The following TNPO3 variants were observed in gnomAD, a reference collection of about 807,000 sequenced individuals.
TNPO3 encodes the protein transportin 3.
A neutral mutation model predicts 122.8 loss-of-function variants in TNPO3; 65 were observed. The ratio of observed to expected loss-of-function variants is 0.53; its 90% CI spans 0.43 to 0.65. The LOEUF is 0.65. Ranked by LOEUF, TNPO3 falls within the 30% of genes least tolerant of loss-of-function variation. The pLI, the probability that TNPO3 is intolerant of heterozygous loss-of-function variation, is 0.00. For missense variants in TNPO3, 850 were observed against 1,136.7 expected, an observed-to-expected ratio of 0.75 and a Z score of 3.63; for synonymous variants, 372 against 411.2, an observed-to-expected ratio of 0.90 and a Z score of 1.15.
intron 4 of TNPO3, among the ~76,000 whole-genome samples, chr7:129,007,666 C>T (rs1802719638): frequency 6.6e-6 from 1 of 152,204 alleles, no homozygotes; most frequent in Non-Finnish European, 1.5e-5. Context: ...CGCTCATTTT[C>T]ATTTATTGTG....
chr7:129,004,155 T>G (rs529187944), intron 5 of TNPO3, among the ~76,000 whole-genome samples: 1 of 152,206 alleles, frequency 6.6e-6, no homozygotes, highest in Non-Finnish European at 1.5e-5. Context: ...ACATGCCAAA[T>G]GTCTCCTTGA....
At chr7:129,006,242 T>A (rs1802564689) in intron 4 of TNPO3, among the ~76,000 whole-genome samples, 1 of 152,214 alleles carries the variant, frequency 6.6e-6, no homozygotes, top group Non-Finnish European at 1.5e-5. Context: ...ACTTACTAAT[T>A]TCTTAGTTCC....
intron 4 of TNPO3, among the ~76,000 whole-genome samples, chr7:129,012,127 T>C (rs1339192370): frequency 6.7e-6 from 1 of 149,460 alleles, no homozygotes; most frequent in Non-Finnish European, 1.5e-5. Flanking sequence ...TGCCTCAGCC[T>C]CCCGACTAGC....
In TNPO3 at chr7:128,967,572, T is replaced by C. The variant is rs1001086109; in HGVS notation, c.2599-180A>G. Among the ~76,000 whole-genome samples, 5 of 152,374 alleles carry C rather than the reference T, an allele frequency of 3.3e-5. 1 individual carries two copies. The highest frequency in any genetic ancestry group is 2.1e-4 in the South Asian group (1 of 4,828). On this transcript the variant is annotated intron_variant, in intron 20 of 22. Transcript: ENST00000265388. ...TAGCCCTTCAAACCCTCTGGGTTGA[T>C]GCAGTCTGCATATGCATGCCTAGAC...
chr7:128,973,008 A>G (rs1443543653), intron 18 of TNPO3, among the ~76,000 whole-genome samples: 1 of 152,218 alleles, frequency 6.6e-6, no homozygotes, highest in Non-Finnish European at 1.5e-5. Flanking sequence ...CTCTTTAAAA[A>G]AAAAGGACCA....
Position 128,970,206 on chromosome 7 carries a change from G to C in TNPO3, c.2540C>G (p.Pro847Arg), listed in dbSNP as rs1193471279. Residue 847 changes from proline to arginine, a missense_variant, in exon 20 of 23, where the codon CCC becomes CGC. Coordinates refer to ENST00000265388, the MANE Select transcript of TNPO3 (RefSeq NM_012470.4). The part of the protein sequence containing the change: ...LLHTCCFCLP[P>R]YTLPDVAEVL... ...TTCAGCCACATCTGGTAGGGTATAG[G>C]GGGGGAGGCAAAAGCAGCAGGTGTG... The C allele has an allele frequency of 8.1e-6, 13 of 1,614,054 alleles. No homozygotes were observed. Among genetic ancestry groups the C allele is most frequent in the African/African-American group, 2.7e-5 (2 of 74,920 alleles).
intron 1 of TNPO3, among the ~76,000 whole-genome samples, chr7:129,031,363 G>C (rs189689998): frequency 6.6e-6 from 1 of 151,922 alleles, no homozygotes; most frequent in Admixed American, 6.6e-5. Flanking sequence ...ATAAAAGTCA[G>C]GATATTACTA....
At chr7:128,995,247 T>C (rs1488019374) in intron 8 of TNPO3, among the ~76,000 whole-genome samples, 1 of 152,236 alleles carries the variant, frequency 6.6e-6, no homozygotes, top group Non-Finnish European at 1.5e-5. Context: ...CATTAAAAAA[T>C]TTAAAGATCA....
intron 11 of TNPO3, among the ~76,000 whole-genome samples, chr7:128,989,575 A>G (rs1800536050): frequency 6.6e-6 from 1 of 152,248 alleles, no homozygotes; most frequent in South Asian, 2.1e-4. Flanking sequence ...TAAATGAAGC[A>G]TGTATTACAA....
At chr7:128,959,286 G>A (rs1008342972) in intron 21 of TNPO3, among the ~76,000 whole-genome samples, 10 of 152,182 alleles carry the variant, frequency 6.6e-5, no homozygotes, top group Non-Finnish European at 1.3e-4. Context: ...GGACAGTGCT[G>A]GAGACCGAGA....
At chr7:128,993,967 GACCTCTATAA>G in intron 8 of TNPO3, 53 bp from the exon 9 acceptor site, 4 of 1,482,426 alleles carry the variant, frequency 2.7e-6, no homozygotes, top group Non-Finnish European at 3.7e-6. Context: ...GGCTTTCAAT[GACCTCTATAA>G]AATCAAGAAG....
rs1796750298 is a variant in TNPO3, at chr7:128,954,767, G to A, written c.*650C>T. The stretch of plus-strand genomic sequence containing the variant: ...TCTAAAGGTGGGAAGAAACAGCTGG[G>A]GAAGGTAGAAGAAATTTCTACTCAT... On this transcript the variant is annotated 3_prime_UTR_variant, in exon 23 of 23. Coordinates refer to ENST00000265388, the MANE Select transcript of TNPO3 (RefSeq NM_012470.4). The A allele has an allele frequency of 1.3e-5, 2 of 153,614 alleles. No individual in the cohort carries two copies. Among genetic ancestry groups the A allele is most frequent in the African/African-American group, 4.8e-5 (2 of 41,450 alleles). The allele number at this position is 153,614 out of a possible 1,614,324, so 9.5% of individuals were successfully genotyped here.
chr7:129,036,659 A>C (rs1395669583), intron 1 of TNPO3, among the ~76,000 whole-genome samples: 1 of 152,212 alleles, frequency 6.6e-6, no homozygotes, highest in African/African-American at 2.4e-5. Flanking sequence ...GAAAAGTTTA[A>C]GGAGTAGGGC....
intron 21 of TNPO3, among the ~76,000 whole-genome samples, chr7:128,959,181 C>A (rs1369339768): frequency 6.6e-6 from 1 of 152,152 alleles, no homozygotes; most frequent in Non-Finnish European, 1.5e-5. Flanking sequence ...CTCATGCTCC[C>A]AATGTCAGGA....
At chr7:128,987,358 T>G (rs1800271825) in intron 11 of TNPO3, among the ~76,000 whole-genome samples, 1 of 152,214 alleles carries the variant, frequency 6.6e-6, no homozygotes, top group Admixed American at 6.5e-5. Flanking sequence ...AAGCTGAAAC[T>G]TTTATACTTG....
chr7:128,957,344 G>A (rs780783459), intron 21 of TNPO3, 29 bp from the exon 22 acceptor site: 1 of 1,612,448 alleles, frequency 6.2e-7, no homozygotes, highest in African/African-American at 1.3e-5. Flanking sequence ...GTTGGTCCTT[G>A]ACTGAGGAGA....
intron 11 of TNPO3, among the ~76,000 whole-genome samples, chr7:128,989,621 A>G (rs1041869907): frequency 1.3e-4 from 20 of 152,224 alleles, no homozygotes; most frequent in African/African-American, 4.8e-4. Flanking sequence ...GTCCTTGAGT[A>G]GCTTCTAGTA....
chr7:128,994,014 T>C (rs1801032083), intron 8 of TNPO3, 100 bp from the exon 9 acceptor site: 1 of 1,101,812 alleles, frequency 9.1e-7, no homozygotes, highest in Admixed American at 2.5e-5. Context: ...AGCAGTCAAG[T>C]TTCAATGAAC....
chr7:128,990,255 A>G, intron 10 of TNPO3, 155 bp from the exon 11 acceptor site: 1 of 839,264 alleles, frequency 1.2e-6, no homozygotes, highest in Non-Finnish European at 2.0e-6. Flanking sequence ...AAGATTTTCA[A>G]ATCTTCAAAA....
Sources: gnomAD v4.1 joint callset for allele counts (sites outside exome capture counted in the v4.1 genomes callset) on GRCh38, gnomAD v4.1.1 for gene constraint, MANE v1.5 for transcripts, NCBI Gene and HGNC (gene_info 2026-07-23, HGNC 2026-07-21) for gene names.